Variants in SH3RF1 observed in about 807,000 individuals in gnomAD.
SH3RF1 encodes SH3 domain containing ring finger 1.
Under a neutral mutation model 74.0 loss-of-function variants are expected in SH3RF1, and 32 were observed. That is an observed-to-expected ratio of 0.43 (90% CI 0.33 to 0.58). The LOEUF is 0.58. Among genes scored for constraint, SH3RF1 ranks in the 20% least tolerant of loss-of-function variants. The probability of loss-of-function intolerance (pLI) is 0.05; values close to 1 mark genes in which losing one functional copy is unlikely to be tolerated. For synonymous variants in SH3RF1, 396 were observed against 439.6 expected (o/e 0.90, Z 1.24); for missense variants, 954 against 1,130.9 (o/e 0.84, Z 2.24).
At chr4:169,199,301 C>G (rs933181069) in intron 2 of SH3RF1, among the ~76,000 whole-genome samples, 1 of 152,122 alleles carries the variant, frequency 6.6e-6, no homozygotes, top group Admixed American at 6.5e-5. Context: ...TGTTACAAAC[C>G]CCCAGATTTC....
At chr4:169,125,388 T>C (rs1207180851) in intron 6 of SH3RF1, among the ~76,000 whole-genome samples, 1 of 152,102 alleles carries the variant, frequency 6.6e-6, no homozygotes, top group Admixed American at 6.5e-5. Flanking sequence ...GTGTGAAACT[T>C]CTCCCTTCTG....
At chr4:169,165,637 CGGG>C (rs33952582) in intron 2 of SH3RF1, among the ~76,000 whole-genome samples, 2 of 146,964 alleles carry the variant, frequency 1.4e-5, no homozygotes, top group African/African-American at 5.0e-5. Context: ...GAAAAAAAGG[CGGG>C]GGGGGGAGTC....
intron 2 of SH3RF1, among the ~76,000 whole-genome samples, chr4:169,233,897 C>T (rs1257822848): frequency 6.6e-6 from 1 of 152,162 alleles, no homozygotes; most frequent in Non-Finnish European, 1.5e-5. Flanking sequence ...CCGCCCCTGC[C>T]TCAGAGCAGC....
intron 2 of SH3RF1, among the ~76,000 whole-genome samples, chr4:169,195,910 G>A (rs1048791542): frequency 6.6e-6 from 1 of 151,990 alleles, no homozygotes; most frequent in Non-Finnish European, 1.5e-5. Context: ...GTGCAGTGGT[G>A]CAATCTCGGC....
chr4:169,190,122 T>G (rs1579128005), intron 2 of SH3RF1, among the ~76,000 whole-genome samples: 1 of 152,046 alleles, frequency 6.6e-6, no homozygotes, highest in Non-Finnish European at 1.5e-5. Context: ...CATCAAAAAG[T>G]CTGAAACAGC....
At chr4:169,106,458 C>T (rs762266035) in intron 11 of SH3RF1, among the ~76,000 whole-genome samples, 3 of 145,852 alleles carry the variant, frequency 2.1e-5, no homozygotes, top group Admixed American at 6.9e-5. Flanking sequence ...TAGCAGGAAA[C>T]GATGTAAATT....
intron 2 of SH3RF1, among the ~76,000 whole-genome samples, chr4:169,224,950 G>T (rs914780716): frequency 6.6e-6 from 1 of 152,190 alleles, no homozygotes; most frequent in Non-Finnish European, 1.5e-5. Context: ...CTGTAACAGG[G>T]TGCCCAAGGG....
intron 4 of SH3RF1, among the ~76,000 whole-genome samples, chr4:169,137,303 C>T (rs1424184546): frequency 6.6e-6 from 1 of 152,164 alleles, no homozygotes; most frequent in Non-Finnish European, 1.5e-5. Context: ...GGCAAGTTAA[C>T]TTCATCTATC....
intron 2 of SH3RF1, among the ~76,000 whole-genome samples, chr4:169,157,935 C>T (rs1483024138): frequency 6.6e-5 from 9 of 136,830 alleles, no homozygotes; most frequent in Non-Finnish European, 9.5e-5. Context: ...AATGGGGTCT[C>T]GCCATGTTGG....
At chr4:169,257,874 C>A (rs1326505798) in intron 2 of SH3RF1, among the ~76,000 whole-genome samples, 1 of 152,156 alleles carries the variant, frequency 6.6e-6, no homozygotes, top group East Asian at 1.9e-4. Flanking sequence ...TACCTCACTT[C>A]TAAATCTAAC....
In SH3RF1 at chr4:169,094,697, C is replaced by T. The variant is rs1477915867; in HGVS notation, c.*1822G>A. ...TTTTCCTAACTAAAGTTCATTTCAC[C>T]AAACCTTTATATATTACATGAATAT... On this transcript the variant is annotated 3_prime_UTR_variant, in exon 12 of 12. Transcript: ENST00000284637. The T allele has an allele frequency of 6.6e-6, 1 of 151,504 alleles. No homozygotes were observed. 9.4% of individuals were successfully genotyped at this position (151,504 alleles called of 1,614,324 possible). A position where few individuals can be genotyped will look rare whatever the true frequency, so the allele number is the denominator to read the frequency against.
At chr4:169,196,227 AGT>A (rs1734809750) in intron 2 of SH3RF1, among the ~76,000 whole-genome samples, 1 of 152,144 alleles carries the variant, frequency 6.6e-6, no homozygotes, top group African/African-American at 2.4e-5. Context: ...TCCTACTTCA[AGT>A]GTGTGTTTAC....
At chr4:169,261,298 G>C (rs145824726) in intron 2 of SH3RF1, among the ~76,000 whole-genome samples, 1 of 152,180 alleles carries the variant, frequency 6.6e-6, no homozygotes, top group Non-Finnish European at 1.5e-5. Flanking sequence ...TCATTGTAAA[G>C]GAGCTTTATT....
intron 10 of SH3RF1, among the ~76,000 whole-genome samples, chr4:169,112,189 A>G (rs1733255435): frequency 6.6e-6 from 1 of 152,206 alleles, no homozygotes; most frequent in Non-Finnish European, 1.5e-5. Context: ...GATAGAAATA[A>G]TGAGGGCGTT....
At chr4:169,115,384 C>T (rs1467776343) in intron 10 of SH3RF1, among the ~76,000 whole-genome samples, 1 of 152,178 alleles carries the variant, frequency 6.6e-6, no homozygotes, top group Non-Finnish European at 1.5e-5. Context: ...GCATTACTGC[C>T]TGAGCTCCGC....
rs142043438 is a variant in SH3RF1 at position 169,263,077 on chromosome 4, T to A, written c.393+5743A>T. Among the ~76,000 whole-genome samples the A allele has an allele frequency of 5.1e-4, 77 of 152,332 alleles. 1 individual carries two copies. The East Asian group carries it at 0.014, about 28-fold the overall frequency. ...CATTTCCCTCATCCAAACCACCACATTAAATGTCTTGCTTGGGTCCGGTAT... is the reference window on the plus strand; with the variant it reads ...CATTTCCCTCATCCAAACCACCACAATAAATGTCTTGCTTGGGTCCGGTAT... On this transcript the variant is annotated intron_variant, in intron 2 of 11. Coordinates refer to ENST00000284637, the MANE Select transcript of SH3RF1 (RefSeq NM_020870.4).
chr4:169,109,750 C>T (rs1579086435), intron 10 of SH3RF1, among the ~76,000 whole-genome samples: 1 of 152,046 alleles, frequency 6.6e-6, no homozygotes, highest in Admixed American at 6.5e-5. Flanking sequence ...TGGCTCACAC[C>T]TGTAATTCTA....
At chr4:169,178,285 T>TAAGCAACTATGCTTATTTAAAAAAA (rs1455220279) in intron 2 of SH3RF1, among the ~76,000 whole-genome samples, 1 of 46,138 alleles carries the variant, frequency 2.2e-5, no homozygotes, top group Non-Finnish European at 5.9e-5. Context: ...TTTTTTTAAA[T>TAAGCAACTATGCTTATTTAAAAAAA]AAGCAACTAT....
At position 169,117,798 on chromosome 4, in the gene SH3RF1, C is replaced by T; in HGVS notation, c.1518-16G>A. 1.3e-6 allele frequency: 2 copies of T among 1,599,784 alleles called. No individual in the cohort carries two copies. The highest frequency in any genetic ancestry group is 1.7e-6 in the Non-Finnish European group (2 of 1,168,418). On this transcript the variant is annotated splice_polypyrimidine_tract_variant and intron_variant, in intron 8 of 11. Coordinates refer to ENST00000284637, the MANE Select transcript of SH3RF1 (RefSeq NM_020870.4). ...TGTCACCGCCCTGCCAAGACACAAA[C>T]ATAGATGGAAAGCCCAGTCCATCAG... is the stretch of plus-strand genomic sequence containing the variant.
Sources: gnomAD v4.1 joint callset for allele counts (sites outside exome capture counted in the v4.1 genomes callset) on GRCh38, gnomAD v4.1.1 for gene constraint, MANE v1.5 for transcripts, NCBI Gene and HGNC (gene_info 2026-07-23, HGNC 2026-07-21) for gene names.